TNR: variants seen among roughly 807,000 people sequenced by gnomAD.
The protein encoded by TNR is tenascin R, also known as tenascin-R.
A neutral mutation model predicts 150.4 loss-of-function variants in TNR; 45 were observed. That is an observed-to-expected ratio of 0.30 (90% confidence interval 0.24 to 0.38). The LOEUF (loss-of-function observed/expected upper bound fraction) is 0.38. Among genes scored for constraint, TNR ranks in the 10% least tolerant of loss-of-function variants. TNR has a pLI of 1.00. For missense variants in TNR, 1,544 were observed against 1,759.1 expected (o/e 0.88, Z 2.19); for synonymous variants, 687 against 678.4 (o/e 1.01, Z -0.20).
At chr1:175,476,024 A>G (rs1006947443) in intron 2 of TNR, among the ~76,000 whole-genome samples, 3 of 152,222 alleles carry the variant, frequency 2.0e-5, no homozygotes, top group African/African-American at 7.2e-5. Context: ...GAACAGGAAG[A>G]GCAAACGCAG....
chr1:175,377,019 A>T (rs1419146498), intron 9 of TNR, among the ~76,000 whole-genome samples: 1 of 152,008 alleles, frequency 6.6e-6, no homozygotes, highest in African/African-American at 2.4e-5. Flanking sequence ...TTACTTCTTT[A>T]GCAGAAGCAG....
intron 2 of TNR, among the ~76,000 whole-genome samples, chr1:175,436,360 C>T (rs1655507999): frequency 1.3e-5 from 2 of 152,174 alleles, no homozygotes; most frequent in African/African-American, 4.8e-5. Context: ...TTTCTCTAAA[C>T]TTCTCTTCTT....
In TNR at chr1:175,396,777, C is replaced by G; in HGVS notation, c.1007G>C (p.Gly336Ala). The G allele has an allele frequency of 6.2e-7, 1 of 1,614,020 alleles. No individual in the cohort carries two copies. Residue 336 changes from glycine (G) to alanine (A), a missense_variant, in exon 5 of 23, where the codon GGT (glycine) becomes GCT (alanine). Physicochemically the swap from Gly to Ala is moderately conservative, Grantham distance 60. Around this residue, in one of 2 missense-constraint regions of TNR, gnomAD observed 1,254 missense variants for 1,329.4 expected, o/e 0.94. Coordinates refer to ENST00000367674, the MANE Select transcript of TNR (RefSeq NM_003285.3). ...CAGCTCAATGGACCTGTCGCTGATA[C>G]CAGCCACTCGCAAGTCCTCTGGAGG... Reference protein sequence around the residue: ...VAPPEDLRVAGISDRSIELEW... With the variant: ...VAPPEDLRVAAISDRSIELEW...
chr1:175,710,955 G>A (rs1571777714), intron 1 of TNR, among the ~76,000 whole-genome samples: 1 of 152,014 alleles, frequency 6.6e-6, no homozygotes, highest in Admixed American at 6.6e-5. Context: ...CCTGTTCTGT[G>A]CTCCCCATCA....
chr1:175,708,515 G>A (rs943640001), intron 1 of TNR, among the ~76,000 whole-genome samples: 2 of 152,160 alleles, frequency 1.3e-5, no homozygotes, highest in African/African-American at 4.8e-5. Flanking sequence ...ACACACTTTT[G>A]GGTTTATAGT....
rs2157376 is a variant in TNR, at chr1:175,491,750, C to T, written c.-64+36519G>A. ...CTGCAAGCTCTGCCTCCAGGGTTCACGCCGTTCTCCTGCCTCAGCCTCCTG... is the reference window on the plus strand; with the variant it reads ...CTGCAAGCTCTGCCTCCAGGGTTCATGCCGTTCTCCTGCCTCAGCCTCCTG... On this transcript the variant is annotated intron_variant, in intron 2 of 22. Coordinates refer to ENST00000367674, the MANE Select transcript of TNR (RefSeq NM_003285.3). Among the ~76,000 whole-genome samples the T allele has an allele frequency of 2.5e-4, 38 of 150,452 alleles. 1 individual carries two copies. The South Asian group carries it at 7.3e-3, about 29-fold the overall frequency.
chr1:175,585,791 C>T (rs778668649), intron 1 of TNR, among the ~76,000 whole-genome samples: 10 of 152,176 alleles, frequency 6.6e-5, no homozygotes, highest in African/African-American at 2.2e-4. Flanking sequence ...TTCTCCCTCT[C>T]TCCCTTCTTT....
chr1:175,347,022 A>G (rs1368100833), intron 18 of TNR, among the ~76,000 whole-genome samples: 1 of 152,166 alleles, frequency 6.6e-6, no homozygotes, highest in Non-Finnish European at 1.5e-5. Flanking sequence ...CAAGAAAAAA[A>G]TATACAGGTC....
rs1217752264 is a variant in TNR, at chr1:175,316,910, C to T, written c.*6447G>A. On this transcript the variant is annotated 3_prime_UTR_variant, in exon 23 of 23. Transcript: ENST00000367674. ...AGTCAGAAGAAGTGGCATCAAAGCC[C>T]CCTTGTAAGAATATTAGTAAAATCC... 1 of 152,076 alleles carries T rather than the reference C, an allele frequency of 6.6e-6. No individual in the cohort carries two copies. The highest frequency in any genetic ancestry group is 2.4e-5 in the African/African-American group (1 of 41,404). The allele number at this position is 152,076 out of a possible 1,614,324, so 9.4% of individuals were successfully genotyped here.
intron 1 of TNR, among the ~76,000 whole-genome samples, chr1:175,573,482 T>A (rs779780780): frequency 9.2e-5 from 14 of 152,134 alleles, no homozygotes; most frequent in Non-Finnish European, 1.9e-4. Context: ...AAGAAGTAAC[T>A]GGAGAGTAGC....
At chr1:175,419,656 ATT>A (rs1263941284) in intron 2 of TNR, among the ~76,000 whole-genome samples, 3 of 152,098 alleles carry the variant, frequency 2.0e-5, no homozygotes, top group Admixed American at 2.0e-4. Flanking sequence ...TAATTTTTAT[ATT>A]TTTAGTAGAG....
At chr1:175,725,645 G>C (rs569231860) in intron 1 of TNR, among the ~76,000 whole-genome samples, 1 of 152,356 alleles carries the variant, frequency 6.6e-6, no homozygotes, top group South Asian at 2.1e-4. Flanking sequence ...AAGAGAAGAT[G>C]TGGGGAAAAT....
chr1:175,728,731 G>A (rs750910028), intron 1 of TNR, among the ~76,000 whole-genome samples: 26 of 152,150 alleles, frequency 1.7e-4, no homozygotes, highest in East Asian at 1.9e-4. Context: ...TAGGCTATAG[G>A]GCATGGCCTT....
At chr1:175,333,852 A>T (rs1650077938) in intron 20 of TNR, among the ~76,000 whole-genome samples, 1 of 152,206 alleles carries the variant, frequency 6.6e-6, no homozygotes, top group Admixed American at 6.5e-5. Context: ...GTCTCTGAAT[A>T]TACACAGATG....
chr1:175,536,618 G>A (rs1453305537), intron 1 of TNR, among the ~76,000 whole-genome samples: 2 of 152,200 alleles, frequency 1.3e-5, no homozygotes, highest in African/African-American at 2.4e-5. Flanking sequence ...AATGTTTAAT[G>A]TACTCCTTCA....
At chr1:175,451,155 G>A (rs1656290667) in intron 2 of TNR, among the ~76,000 whole-genome samples, 1 of 151,344 alleles carries the variant, frequency 6.6e-6, no homozygotes, top group Non-Finnish European at 1.5e-5. Context: ...TTGCACTTGA[G>A]GAAACTGAGG....
At chr1:175,650,017 A>T (rs1159708017) in intron 1 of TNR, among the ~76,000 whole-genome samples, 1 of 152,190 alleles carries the variant, frequency 6.6e-6, no homozygotes, top group African/African-American at 2.4e-5. Flanking sequence ...AAATAGAGCA[A>T]AGCATGCAGG....
chr1:175,637,342 G>C (rs1387596269), intron 1 of TNR, among the ~76,000 whole-genome samples: 2 of 152,160 alleles, frequency 1.3e-5, no homozygotes, highest in Non-Finnish European at 2.9e-5. Flanking sequence ...TGAAAGTAGA[G>C]ATAACATGGA....
intron 18 of TNR, among the ~76,000 whole-genome samples, chr1:175,347,360 T>G (rs1237401870): frequency 1.3e-5 from 2 of 152,200 alleles, no homozygotes; most frequent in African/African-American, 4.8e-5. Flanking sequence ...TTATTCAAGA[T>G]TAGCCAATTA....
Sources: gnomAD v4.1 joint callset for allele counts (sites outside exome capture counted in the v4.1 genomes callset) on GRCh38, gnomAD v4.1.1 for gene constraint, gnomAD v4.1.1 regional missense constraint, MANE v1.5 for transcripts, NCBI Gene and HGNC (gene_info 2026-07-23, HGNC 2026-07-21) for gene names.